The following LMX1B variants were observed in gnomAD, a reference collection of about 807,000 sequenced individuals.
LMX1B encodes LIM homeobox transcription factor 1 beta.
A neutral mutation model predicts 51.4 loss-of-function variants in LMX1B; 12 were observed. That is an observed-to-expected ratio of 0.23 (90% CI 0.15 to 0.38). LMX1B has a LOEUF of 0.38. Ranked by LOEUF, LMX1B falls within the 10% of genes least tolerant of loss-of-function variation. The pLI is 1.00. For missense variants in LMX1B, 445 were observed against 571.1 expected (o/e 0.78, Z 2.25); for synonymous variants, 237 against 235.4 (o/e 1.01, Z -0.06).
intron 2 of LMX1B, among the ~76,000 whole-genome samples, chr9:126,631,516 C>T (rs4076039): frequency 0.05 from 7,509 of 149,670 alleles, 624 homozygotes; most frequent in East Asian, 0.42. Flanking sequence ...CTCGGCCGGC[C>T]GGGATGGGGC....
At chr9:126,645,895 G>A (rs1459722638) in intron 2 of LMX1B, among the ~76,000 whole-genome samples, 1 of 152,190 alleles carries the variant, frequency 6.6e-6, no homozygotes, top group Non-Finnish European at 1.5e-5. Context: ...GCCGCTGAGG[G>A]AGGGAGGTCA....
At chr9:126,656,430 G>T (rs1452992901) in intron 2 of LMX1B, among the ~76,000 whole-genome samples, 1 of 148,990 alleles carries the variant, frequency 6.7e-6, no homozygotes, top group African/African-American at 2.5e-5. Context: ...TAGATAGATA[G>T]ATAGATAGGA....
intron 2 of LMX1B, among the ~76,000 whole-genome samples, chr9:126,639,881 C>T (rs888639155): frequency 2.6e-5 from 4 of 152,226 alleles, no homozygotes; most frequent in Admixed American, 6.5e-5. Flanking sequence ...TCTCCAGGGA[C>T]GGCTGCCACT....
Position 126,696,464 on chromosome 9 carries a change from C to G in LMX1B, c.*13C>G. 1 of 1,613,684 alleles carries G rather than the reference C, an allele frequency of 6.2e-7. No homozygotes were observed. Among genetic ancestry groups the G allele is most frequent in the Non-Finnish European group, 8.5e-7 (1 of 1,179,816 alleles). ...CTTCGCCTCCTGAGAGCCAGCCAGG[C>G]GCACGGACGCTTGGGCAGGGGCCTG... On this transcript the variant is annotated 3_prime_UTR_variant, in exon 8 of 8. Transcript: ENST00000373474.
rs146918904 is a variant in LMX1B, at chr9:126,681,949, C to A, written c.327-8887C>A. Among the ~76,000 whole-genome samples the A allele has an allele frequency of 1.5e-3, 226 of 150,846 alleles. 1 individual carries two copies. The highest frequency in any genetic ancestry group is 5.2e-3 in the African/African-American group (214 of 41,010). ...AAATAAAATGCCAATCAGATCACAC[C>A]CCCCCACCCTTCCCAGGGTCCCTAT... On this transcript the variant is annotated intron_variant, in intron 2 of 7. Coordinates refer to ENST00000373474, the MANE Select transcript of LMX1B (RefSeq NM_001174147.2).
At chr9:126,665,152 C>A (rs530857395) in intron 2 of LMX1B, among the ~76,000 whole-genome samples, 10 of 152,332 alleles carry the variant, frequency 6.6e-5, no homozygotes, top group Admixed American at 2.6e-4. Context: ...GTGGGGTGTT[C>A]CTCCATGCCT....
intron 2 of LMX1B, among the ~76,000 whole-genome samples, chr9:126,686,888 T>G (rs2029916971): frequency 6.6e-6 from 1 of 152,202 alleles, no homozygotes; most frequent in Non-Finnish European, 1.5e-5. Context: ...CTGAGCATTA[T>G]TAGTCCTCAG....
intron 2 of LMX1B, among the ~76,000 whole-genome samples, chr9:126,661,301 G>A (rs1373885167): frequency 2.7e-5 from 4 of 150,590 alleles, no homozygotes; most frequent in African/African-American, 7.3e-5. Context: ...TCAGGCCAGC[G>A]TGGACGCCTC....
chr9:126,642,439 A>C (rs1835826438), intron 2 of LMX1B, among the ~76,000 whole-genome samples: 1 of 151,638 alleles, frequency 6.6e-6, no homozygotes, highest in African/African-American at 2.4e-5. Flanking sequence ...CCACACTCCC[A>C]CTTCCCCTGT....
intron 2 of LMX1B, among the ~76,000 whole-genome samples, chr9:126,636,183 G>A (rs1835710358): frequency 6.6e-6 from 1 of 152,128 alleles, no homozygotes; most frequent in Admixed American, 6.6e-5. Context: ...GCCTTGTCCT[G>A]GGTACTAAAG....
chr9:126,635,975 G>A (rs1482656972), intron 2 of LMX1B, among the ~76,000 whole-genome samples: 1 of 152,186 alleles, frequency 6.6e-6, no homozygotes, highest in Non-Finnish European at 1.5e-5. Flanking sequence ...GAGGAGCACT[G>A]GGGACGAGTG....
intron 2 of LMX1B, among the ~76,000 whole-genome samples, chr9:126,665,743 G>A (rs1018285086): frequency 6.6e-6 from 1 of 152,252 alleles, no homozygotes; most frequent in Admixed American, 6.5e-5. Flanking sequence ...GTAGGCACCA[G>A]CTGCCCCCTA....
rs145052881 is a variant in LMX1B, at chr9:126,695,885, G to A, written c.933G>A (p.Pro311=). The A allele has an allele frequency of 5.6e-6, 9 of 1,613,036 alleles. No individual in the cohort carries two copies. Among genetic ancestry groups the A allele is most frequent in the East Asian group, 2.2e-5 (1 of 44,868 alleles). ...AGGGCATGATGGCTTCCTACACGCC[G>A]CTGGCCCCACCACAGCAGCAGATCG... ...RMEGMMASYT[P]LAPPQQQIVA... is the part of the protein sequence containing the mutation. The change falls in exon 7 of 8, where the codon CCG becomes CCA. Residue 311 remains proline (P), a synonymous_variant. Coordinates refer to ENST00000373474, the MANE Select transcript of LMX1B (RefSeq NM_001174147.2). This position sits in a 1 kb window ranked among gnomAD's most constrained non-coding sequence, Gnocchi z 5.2.
chr9:126,623,945 C>G (rs1382391894), intron 2 of LMX1B, among the ~76,000 whole-genome samples: 1 of 152,238 alleles, frequency 6.6e-6, no homozygotes, highest in Non-Finnish European at 1.5e-5. Flanking sequence ...ATGTTCTTTA[C>G]TGGGAGTGGG....
At chr9:126,670,072 T>G (rs1440230237) in intron 2 of LMX1B, among the ~76,000 whole-genome samples, 1 of 152,200 alleles carries the variant, frequency 6.6e-6, no homozygotes, top group East Asian at 1.9e-4. Context: ...AACCTGGCAC[T>G]GGGAGGGCCC....
At chr9:126,686,292 A>AAG (rs1037713083) in intron 2 of LMX1B, among the ~76,000 whole-genome samples, 3 of 151,838 alleles carry the variant, frequency 2.0e-5, no homozygotes, top group South Asian at 2.1e-4. Flanking sequence ...AAAAAAAAAA[A>AAG]AAAAGAAATT....
In LMX1B at chr9:126,658,245, A is replaced by G. The variant is rs2118915403; in HGVS notation, c.327-32591A>G. 6.6e-6 allele frequency among the ~76,000 whole-genome samples: 1 copy of G among 152,204 alleles called. No homozygotes were observed. Among genetic ancestry groups the G allele is most frequent in the Admixed American group, 6.5e-5 (1 of 15,292 alleles). ...GGGGGTGAGTCTACAAAGGGTACCA[A>G]ATGTCAGGCTTGGGGTTTGGAGAAA... On this transcript the variant is annotated intron_variant, in intron 2 of 7. Transcript: ENST00000373474. This position sits in a 1 kb window ranked among gnomAD's most constrained non-coding sequence, Gnocchi z 4.0.
chr9:126,675,825 G>A (rs1436122730), intron 2 of LMX1B, among the ~76,000 whole-genome samples: 5 of 151,096 alleles, frequency 3.3e-5, no homozygotes, highest in South Asian at 2.1e-4. Flanking sequence ...CGAGGCGGGC[G>A]GATCACGAGG....
chr9:126,651,043 G>A (rs758618386), intron 2 of LMX1B, among the ~76,000 whole-genome samples: 6 of 152,268 alleles, frequency 3.9e-5, no homozygotes, highest in Non-Finnish European at 5.9e-5. Flanking sequence ...TGATGGGGAA[G>A]GACTCCTAGG....
Sources: gnomAD v4.1 joint callset for allele counts (sites outside exome capture counted in the v4.1 genomes callset) on GRCh38, gnomAD v4.1.1 for gene constraint, Gnocchi (gnomAD v3.1) non-coding constraint, MANE v1.5 for transcripts, NCBI Gene and HGNC (gene_info 2026-07-23, HGNC 2026-07-21) for gene names.